Variants in SNX29 observed in about 807,000 individuals in gnomAD.
SNX29 encodes sorting nexin 29.
A neutral mutation model predicts 102.1 loss-of-function variants in SNX29; 78 were observed. That is an observed-to-expected ratio of 0.76 (90% CI 0.64 to 0.92). The LOEUF (loss-of-function observed/expected upper bound fraction) is 0.92. SNX29 is among the 40% of genes least tolerant of loss of function. The pLI is 0.00. For missense variants in SNX29, 1,280 were observed against 1,061.7 expected (o/e 1.21, Z -2.86); for synonymous variants, 580 against 414.5 (o/e 1.40, Z -4.85).
chr16:12,199,144 T>C (rs191449192), intron 13 of SNX29, among the ~76,000 whole-genome samples: 1 of 152,374 alleles, frequency 6.6e-6, no homozygotes, highest in African/African-American at 2.4e-5. Flanking sequence ...ATACAGACAC[T>C]TGACATGATG....
chr16:12,022,138 A>G (rs1330205146), intron 3 of SNX29, among the ~76,000 whole-genome samples: 1 of 130,464 alleles, frequency 7.7e-6, no homozygotes, highest in South Asian at 2.5e-4. Flanking sequence ...TCTAGTTTAT[A>G]TACCGTTAAA....
At chr16:12,547,003 G>C (rs1302853874) in intron 20 of SNX29, among the ~76,000 whole-genome samples, 1 of 152,068 alleles carries the variant, frequency 6.6e-6, no homozygotes. Flanking sequence ...CACCATTTCA[G>C]ATCCTGATAG....
At chr16:12,381,830 C>T (rs62039999) in intron 16 of SNX29, among the ~76,000 whole-genome samples, 50,510 of 138,846 alleles carry the variant, frequency 0.36, 11,312 homozygotes, top group East Asian at 0.56. Flanking sequence ...ACCCATCATC[C>T]ATCCACTCAC....
At chr16:12,217,377 A>C (rs1460861849) in intron 14 of SNX29, among the ~76,000 whole-genome samples, 1 of 152,142 alleles carries the variant, frequency 6.6e-6, no homozygotes, top group African/African-American at 2.4e-5. Context: ...GCTTTTGATG[A>C]GCCATCTGGG....
intron 14 of SNX29, among the ~76,000 whole-genome samples, chr16:12,220,436 G>A (rs1401167037): frequency 1.3e-5 from 2 of 152,068 alleles, no homozygotes; most frequent in Non-Finnish European, 2.9e-5. Flanking sequence ...GAGATGAACT[G>A]GAGAGACAGG....
intron 20 of SNX29, among the ~76,000 whole-genome samples, chr16:12,568,020 CTT>C (rs1198688685): frequency 6.6e-6 from 1 of 152,184 alleles, no homozygotes; most frequent in Non-Finnish European, 1.5e-5. Context: ...GCCAAACAAC[CTT>C]TTAACTAGCC....
intron 3 of SNX29, among the ~76,000 whole-genome samples, chr16:12,012,432 G>C (rs144492424): frequency 0.011 from 1,624 of 152,214 alleles, 110 homozygotes; most frequent in Admixed American, 0.089. Flanking sequence ...TTTTGAGACA[G>C]AGTTTTGCTT....
chr16:12,548,383 C>A (rs890585267), intron 20 of SNX29, among the ~76,000 whole-genome samples: 7 of 152,186 alleles, frequency 4.6e-5, no homozygotes, highest in African/African-American at 1.7e-4. Context: ...GAGTCCCACA[C>A]CTTCTAAGGT....
chr16:12,540,362 A>G (rs534634054), intron 20 of SNX29, among the ~76,000 whole-genome samples: 11 of 152,112 alleles, frequency 7.2e-5, no homozygotes, highest in Non-Finnish European at 1.3e-4. Context: ...CCCTGTATTA[A>G]TTTCTTATTG....
chr16:12,560,026 G>A (rs7205432), intron 20 of SNX29, among the ~76,000 whole-genome samples: 29,649 of 152,014 alleles, frequency 0.2, 3,075 homozygotes, highest in East Asian at 0.43. Flanking sequence ...GGAAGACTTA[G>A]TATGACAAAT....
In SNX29 at chr16:12,572,675, C is replaced by T. The variant is rs562385397; in HGVS notation, c.*4046C>T. 79 of 1,063,470 alleles carry T rather than the reference C, an allele frequency of 7.4e-5. No homozygotes were observed. Among genetic ancestry groups the T allele is most frequent in the Middle Eastern group, 4.2e-4 (1 of 2,390 alleles). The allele number at this position is 1,063,470 out of a possible 1,614,324, so 65.9% of individuals were successfully genotyped here. A position where few individuals can be genotyped will look rare whatever the true frequency, so the allele number is the denominator to read the frequency against. On this transcript the variant is annotated 3_prime_UTR_variant, in exon 21 of 21. Coordinates refer to ENST00000566228, the MANE Select transcript of SNX29 (RefSeq NM_032167.5). ...TCCTGTGTGAGCTGCAGCACCCACACGGGGGAAGCCCTGCACTCCAGCAGC... is the reference window on the plus strand; with the variant it reads ...TCCTGTGTGAGCTGCAGCACCCACATGGGGGAAGCCCTGCACTCCAGCAGC...
intron 19 of SNX29, among the ~76,000 whole-genome samples, chr16:12,487,640 G>C (rs1241933394): frequency 6.6e-6 from 1 of 152,106 alleles, no homozygotes; most frequent in Non-Finnish European, 1.5e-5. Context: ...CCTACTACAG[G>C]TTTCAGCCGT....
At chr16:12,453,228 G>A (rs1380974030) in intron 18 of SNX29, among the ~76,000 whole-genome samples, 6 of 152,312 alleles carry the variant, frequency 3.9e-5, no homozygotes, top group Non-Finnish European at 7.4e-5. Flanking sequence ...CATGGCAGAC[G>A]TGGCCAATCA....
At chr16:12,243,248 G>A (rs1201598147) in intron 14 of SNX29, among the ~76,000 whole-genome samples, 4 of 152,260 alleles carry the variant, frequency 2.6e-5, no homozygotes, top group African/African-American at 4.8e-5. Context: ...TAGGGCGTAT[G>A]CCAGATACTG....
rs548503574 is a variant in SNX29 at position 12,570,097 on chromosome 16, C to T, written c.*1468C>T. 3.3e-4 allele frequency: 318 copies of T among 949,430 alleles called. No homozygotes were observed. Among genetic ancestry groups the T allele is most frequent in the African/African-American group, 6.3e-4 (37 of 58,612 alleles). The allele number at this position is 949,430 out of a possible 1,614,324, so 58.8% of individuals were successfully genotyped here. On this transcript the variant is annotated 3_prime_UTR_variant, in exon 21 of 21. Coordinates refer to ENST00000566228, the MANE Select transcript of SNX29 (RefSeq NM_032167.5). ...GAAGGTTTATACTGTGCCTTCCCCTCGTAGCAAAAAGGAAGATTGTTCATG... is the reference window on the plus strand; with the variant it reads ...GAAGGTTTATACTGTGCCTTCCCCTTGTAGCAAAAAGGAAGATTGTTCATG...
intron 13 of SNX29, among the ~76,000 whole-genome samples, chr16:12,165,440 G>T (rs2055977413): frequency 6.6e-6 from 1 of 152,214 alleles, no homozygotes; most frequent in Admixed American, 6.5e-5. Flanking sequence ...GATGAAAAAT[G>T]ATACATGTAG....
At chr16:12,360,104 G>A (rs1165941153) in intron 16 of SNX29, among the ~76,000 whole-genome samples, 3 of 152,190 alleles carry the variant, frequency 2.0e-5, no homozygotes, top group Non-Finnish European at 4.4e-5. Flanking sequence ...GATTACTGGC[G>A]TGAGCCACCG....
At chr16:12,135,298 T>G (rs2054619284) in intron 13 of SNX29, among the ~76,000 whole-genome samples, 1 of 152,254 alleles carries the variant, frequency 6.6e-6, no homozygotes, top group Admixed American at 6.5e-5. Context: ...AAATTAACCA[T>G]CACACTCCCC....
intron 20 of SNX29, among the ~76,000 whole-genome samples, chr16:12,530,541 G>T (rs917359499): frequency 6.8e-6 from 1 of 146,846 alleles, no homozygotes. Flanking sequence ...ATTTGCCTTC[G>T]TTTTTTTTTT....
Sources: gnomAD v4.1 joint callset for allele counts (sites outside exome capture counted in the v4.1 genomes callset) on GRCh38, gnomAD v4.1.1 for gene constraint, MANE v1.5 for transcripts, NCBI Gene and HGNC (gene_info 2026-07-23, HGNC 2026-07-21) for gene names.